ROCK2: variants seen among roughly 807,000 people sequenced by gnomAD.
ROCK2 encodes rho-associated protein kinase 2.
In ROCK2, 61 loss-of-function variants were observed where a neutral mutation model predicts 195.1. The observed-to-expected ratio is 0.31, with a 90% CI of 0.25 to 0.39. The LOEUF (loss-of-function observed/expected upper bound fraction) is 0.39, where lower values mean the gene tolerates loss of function less well. Among genes scored for constraint, ROCK2 ranks in the 10% least tolerant of loss-of-function variants. ROCK2 has a pLI of 1.00. For missense variants in ROCK2, 1,109 were observed against 1,637.4 expected (o/e 0.68, Z 5.57); for synonymous variants, 504 against 545.5 (o/e 0.92, Z 1.06).
Position 11,287,868 on chromosome 2 carries a change from A to G in ROCK2, c.142-132T>C, listed in dbSNP as rs190052709. The G allele has an allele frequency of 8.1e-5, 31 of 381,502 alleles. No homozygotes were observed. The East Asian group carries it at 1.2e-3, about 15-fold the overall frequency. 23.6% of individuals were successfully genotyped at this position (381,502 alleles called of 1,614,324 possible). On this transcript the variant is annotated intron_variant, in intron 1 of 32. Coordinates refer to ENST00000315872, the MANE Select transcript of ROCK2 (RefSeq NM_004850.5). ...CCCACTTTGATATGATAGTGTCCAT[A>G]AGTTCCATATCCAACAGCTTTAACT...
At chr2:11,277,386 G>C (rs1260431674) in intron 3 of ROCK2, among the ~76,000 whole-genome samples, 1 of 151,810 alleles carries the variant, frequency 6.6e-6, no homozygotes, top group Non-Finnish European at 1.5e-5. Flanking sequence ...AGTTACATGA[G>C]TAAGCTCTTT....
At chr2:11,234,033 C>A (rs533604395) in intron 5 of ROCK2, 2 of 152,150 alleles carry the variant, frequency 1.3e-5, no homozygotes, top group South Asian at 4.1e-4. Flanking sequence ...ATGATACAGA[C>A]AAGATTAGCA....
intron 1 of ROCK2, among the ~76,000 whole-genome samples, chr2:11,312,148 A>G (rs1668055790): frequency 6.6e-6 from 1 of 152,208 alleles, no homozygotes; most frequent in African/African-American, 2.4e-5. Context: ...ACATAGGTGA[A>G]ATTAAATGGC....
chr2:11,327,048 G>A (rs1227719998), intron 1 of ROCK2, among the ~76,000 whole-genome samples: 2 of 152,208 alleles, frequency 1.3e-5, no homozygotes. Context: ...TGAATTTGCA[G>A]TACCACTAAT....
At chr2:11,215,199 A>C (rs955007623) in intron 15 of ROCK2, 113 bp from the exon 16 acceptor site, 5 of 1,475,124 alleles carry the variant, frequency 3.4e-6, no homozygotes, top group Non-Finnish European at 4.5e-6. Flanking sequence ...AAACCTAAAA[A>C]TATTTTCCAA....
chr2:11,281,965 CA>C (rs998105254), intron 3 of ROCK2, among the ~76,000 whole-genome samples: 1 of 151,420 alleles, frequency 6.6e-6, no homozygotes, highest in African/African-American at 2.4e-5. Context: ...AATCCAATCA[CA>C]AAAAAAACCC....
rs1371307303 is a variant in ROCK2 at position 11,235,233 on chromosome 2, T to C, written c.723+469A>G. ...ACAGGTAAAGCATCGGAACAGATGA[T>C]GTTCCCAAATTTATTCTGTGTGGTT... On this transcript the variant is annotated intron_variant, in intron 5 of 32. Coordinates refer to ENST00000315872, the MANE Select transcript of ROCK2 (RefSeq NM_004850.5). The surrounding 1 kb of genome is among the most constrained non-coding windows in gnomAD (Gnocchi z 4.2). Among the ~76,000 whole-genome samples the C allele has an allele frequency of 1.3e-5, 2 of 152,200 alleles. No individual in the cohort carries two copies. The highest frequency in any genetic ancestry group is 2.9e-5 in the Non-Finnish European group (2 of 68,016).
chr2:11,249,044 T>C (rs1665733980), intron 4 of ROCK2, among the ~76,000 whole-genome samples: 1 of 151,944 alleles, frequency 6.6e-6, no homozygotes, highest in Non-Finnish European at 1.5e-5. Flanking sequence ...TACAGGTGTG[T>C]GCCACTATGC....
chr2:11,182,136 C>T lies in ROCK2; in HGVS notation c.*1301G>A, dbSNP rs1392734300. ...TGTCCTGCGTAAACTGTAACTTTGA[C>T]AGCATTTAAAAAATAAAAATCAAAT... On this transcript the variant is annotated 3_prime_UTR_variant, in exon 33 of 33. Coordinates refer to ENST00000315872, the MANE Select transcript of ROCK2 (RefSeq NM_004850.5). 1 of 152,114 alleles carries T rather than the reference C, an allele frequency of 6.6e-6. No individual in the cohort carries two copies. The highest frequency in any genetic ancestry group is 1.5e-5 in the Non-Finnish European group (1 of 68,016). The allele number at this position is 152,114 out of a possible 1,614,324, so 9.4% of individuals were successfully genotyped here.
chr2:11,318,693 T>C (rs1185783078), intron 1 of ROCK2, among the ~76,000 whole-genome samples: 1 of 152,222 alleles, frequency 6.6e-6, no homozygotes, highest in African/African-American at 2.4e-5. Context: ...ATCTCCTGAA[T>C]GGTATTGCCT....
At chr2:11,260,235 G>T (rs1418662702) in intron 3 of ROCK2, among the ~76,000 whole-genome samples, 1 of 151,108 alleles carries the variant, frequency 6.6e-6, no homozygotes, top group Non-Finnish European at 1.5e-5. Context: ...ATCATCTGAG[G>T]TCAGGAGTTC....
intron 17 of ROCK2, among the ~76,000 whole-genome samples, chr2:11,213,930 GTAAA>G (rs1664336336): frequency 2.0e-5 from 3 of 152,276 alleles, no homozygotes; most frequent in South Asian, 4.1e-4. Flanking sequence ...ATTTAGCTGA[GTAAA>G]TAAATAAGTG....
chr2:11,236,695 G>A (rs1461151290), intron 4 of ROCK2, among the ~76,000 whole-genome samples: 1 of 152,072 alleles, frequency 6.6e-6, no homozygotes, highest in Non-Finnish European at 1.5e-5. Flanking sequence ...CCAGAAACAA[G>A]CAATGCAAAC....
intron 1 of ROCK2, among the ~76,000 whole-genome samples, chr2:11,313,103 C>A (rs1668086432): frequency 1.3e-5 from 2 of 151,994 alleles, no homozygotes; most frequent in Non-Finnish European, 2.9e-5. Context: ...AAAGAATGAA[C>A]CCTAAAGAAA....
intron 1 of ROCK2, chr2:11,308,565 G>A: frequency 6.6e-7 from 1 of 1,517,002 alleles, no homozygotes; most frequent in South Asian, 1.1e-5. Context: ...AAAGATGCTG[G>A]GCAGTGCATC....
At chr2:11,233,449 ATTCT>A (rs780981730) in intron 5 of ROCK2, among the ~76,000 whole-genome samples, 13 of 152,124 alleles carry the variant, frequency 8.5e-5, no homozygotes, top group East Asian at 1.9e-4. Flanking sequence ...AGATCGGGCA[ATTCT>A]TTCTTTATGT....
chr2:11,214,414 T>C lies in ROCK2; in HGVS notation c.1986A>G (p.Leu662=), dbSNP rs1483871692. ...EEDLKNGKIL[L]AKVELEKRQL... The stretch of plus-strand genomic sequence containing the variant: ...GTCTCTTCTCCAGTTCTACTTTCGC[T>C]AGTAAGATTTTGCCGTTCTTTAAAT... Residue 662 remains leucine (L), a synonymous_variant, in exon 17 of 33, where the codon CTA becomes CTG. Coordinates refer to ENST00000315872, the MANE Select transcript of ROCK2 (RefSeq NM_004850.5). The C allele has an allele frequency of 5.0e-6, 8 of 1,611,296 alleles. No individual in the cohort carries two copies. In the South Asian group the frequency reaches 8.8e-5, roughly 18 times the overall value.
chr2:11,275,696 T>C (rs1410955499), intron 3 of ROCK2, among the ~76,000 whole-genome samples: 3 of 43,852 alleles, frequency 6.8e-5, no homozygotes, highest in East Asian at 2.4e-3. Context: ...TTCAACAATC[T>C]TTTTTTTTTT....
At chr2:11,276,414 C>T (rs1666829203) in intron 3 of ROCK2, among the ~76,000 whole-genome samples, 1 of 152,112 alleles carries the variant, frequency 6.6e-6, no homozygotes. Context: ...ATTACAAAAA[C>T]AATTCCATTT....
Sources: allele counts gnomAD v4.1 joint callset (sites outside exome capture counted in the v4.1 genomes callset), GRCh38; gene constraint gnomAD v4.1.1; non-coding constraint Gnocchi (gnomAD v3.1); transcripts MANE v1.5; gene names NCBI Gene and HGNC (gene_info 2026-07-23, HGNC 2026-07-21).